SLC39A12: variants seen among roughly 807,000 people sequenced by gnomAD.
SLC39A12 encodes the protein zinc transporter ZIP12.
Under a neutral mutation model 71.1 loss-of-function variants are expected in SLC39A12, and 63 were observed. The ratio of observed to expected loss-of-function variants is 0.89; its 90% CI spans 0.72 to 1.09. The LOEUF (loss-of-function observed/expected upper bound fraction) is 1.09, where lower values mean the gene tolerates loss of function less well. Among genes scored for constraint, SLC39A12 ranks in the 50% least tolerant of loss-of-function variants. SLC39A12 has a pLI of 0.00. For synonymous variants in SLC39A12, 351 were observed against 301.3 expected (o/e 1.16, Z -1.71); for missense variants, 892 against 812.6 (o/e 1.10, Z -1.19).
At chr10:18,006,555 C>T (rs150809573) in intron 12 of SLC39A12, among the ~76,000 whole-genome samples, 32 of 152,138 alleles carry the variant, frequency 2.1e-4, no homozygotes, top group African/African-American at 6.3e-4. Flanking sequence ...AGTGAAGGAC[C>T]GGCAAACTGA....
At chr10:17,997,229 T>A (rs1835714128) in intron 10 of SLC39A12, among the ~76,000 whole-genome samples, 1 of 152,168 alleles carries the variant, frequency 6.6e-6, no homozygotes, top group Non-Finnish European at 1.5e-5. Context: ...CAGTGCAGAA[T>A]AAAATAAGCA....
intron 9 of SLC39A12, among the ~76,000 whole-genome samples, chr10:17,994,138 GA>G (rs1391851933): frequency 1.3e-5 from 2 of 152,020 alleles, no homozygotes; most frequent in African/African-American, 2.4e-5. Context: ...AATGTGGTTT[GA>G]AAAAAGATAA....
chr10:18,004,911 C>T (rs996786156), intron 12 of SLC39A12, among the ~76,000 whole-genome samples: 4 of 152,144 alleles, frequency 2.6e-5, no homozygotes, highest in African/African-American at 7.2e-5. Context: ...GGAATGGGAT[C>T]GTGTCCTTTG....
At chr10:18,031,742 G>A (rs1267902774) in intron 12 of SLC39A12, among the ~76,000 whole-genome samples, 2 of 114,010 alleles carry the variant, frequency 1.8e-5, no homozygotes, top group Non-Finnish European at 3.6e-5. Flanking sequence ...GTCCTGAATG[G>A]TAATGCCTAG....
At position 17,987,770 on chromosome 10, in the gene SLC39A12, T is replaced by C. The variant is rs1414449786; in HGVS notation, c.1269+119T>C. 3.8e-6 allele frequency: 4 copies of C among 1,062,690 alleles called. No homozygotes were observed. In the East Asian group the frequency reaches 9.6e-5, roughly 25 times the overall value. 65.8% of individuals were successfully genotyped at this position (1,062,690 alleles called of 1,614,324 possible). A position where few individuals can be genotyped will look rare whatever the true frequency, so the allele number is the denominator to read the frequency against. ...CAAAGAGAGAGTATCGTGGCTGGTG[T>C]TTTCCTTAAAAAGAAATATTATTTC... is the stretch of plus-strand genomic sequence containing the variant. On this transcript the variant is annotated intron_variant, in intron 7 of 12. Coordinates refer to ENST00000377369, the MANE Select transcript of SLC39A12 (RefSeq NM_001145195.2).
intron 2 of SLC39A12, among the ~76,000 whole-genome samples, chr10:17,958,663 T>G (rs888152548): frequency 6.6e-6 from 1 of 152,220 alleles, no homozygotes; most frequent in Admixed American, 6.5e-5. Flanking sequence ...TGGGCAAGTT[T>G]CTTATCCGCT....
intron 6 of SLC39A12, among the ~76,000 whole-genome samples, chr10:17,984,004 A>C (rs1369338129): frequency 6.6e-6 from 1 of 152,196 alleles, no homozygotes; most frequent in Non-Finnish European, 1.5e-5. Context: ...TTAAGTTTCC[A>C]GGAAAGAGTA....
intron 12 of SLC39A12, among the ~76,000 whole-genome samples, chr10:18,021,045 A>C (rs750748713): frequency 1.3e-5 from 2 of 152,076 alleles, no homozygotes; most frequent in Non-Finnish European, 2.9e-5. Flanking sequence ...ATCTTTGCCA[A>C]GACTGATATC....
At chr10:17,970,123 C>T (rs1834931300) in intron 4 of SLC39A12, among the ~76,000 whole-genome samples, 1 of 151,996 alleles carries the variant, frequency 6.6e-6, no homozygotes, top group Non-Finnish European at 1.5e-5. Context: ...TTGCTGGGTT[C>T]TTTATTGTGT....
chr10:17,986,707 C>T (rs137930408), intron 6 of SLC39A12, among the ~76,000 whole-genome samples: 241 of 152,204 alleles, frequency 1.6e-3, no homozygotes, highest in African/African-American at 5.3e-3. Flanking sequence ...AACTTTTTGC[C>T]GCATATAACA....
Position 17,953,516 on chromosome 10 carries a change from A to C in SLC39A12, c.240A>C (p.Gly80=). 1.2e-6 allele frequency: 2 copies of C among 1,614,200 alleles called. No homozygotes were observed. Among genetic ancestry groups the C allele is most frequent in the Admixed American group, 1.7e-5 (1 of 60,024 alleles). The change falls in exon 2 of 13, where the codon GGA becomes GGC. Residue 80 remains glycine, a synonymous_variant. Transcript: ENST00000377369. ...EKTGCPRRRN[G]MQGDCNLCFE... is the part of the protein sequence containing the mutation. Reference sequence around the variant, plus strand: ...CTGGGTGCCCACGGAGGAGAAACGGAATGCAAGGAGATTGCAATCTGGTTA... The same window carrying C: ...CTGGGTGCCCACGGAGGAGAAACGGCATGCAAGGAGATTGCAATCTGGTTA...
intron 12 of SLC39A12, among the ~76,000 whole-genome samples, chr10:18,034,332 C>T (rs1479850605): frequency 1.3e-5 from 2 of 151,706 alleles, no homozygotes; most frequent in Non-Finnish European, 2.9e-5. Context: ...AATCTGGGTG[C>T]TCCTGTATTG....
intron 12 of SLC39A12, among the ~76,000 whole-genome samples, chr10:18,040,636 G>T (rs2130910949): frequency 6.6e-6 from 1 of 152,144 alleles, no homozygotes. Context: ...AAGCATGGTG[G>T]TGGATGCCTA....
At chr10:17,961,883 A>T in intron 3 of SLC39A12, 21 bp downstream of exon 3, 1 of 1,602,900 alleles carries the variant, frequency 6.2e-7, no homozygotes, top group Non-Finnish European at 8.5e-7. Context: ...AAAATTGCTA[A>T]CTGGCTCTGC....
At chr10:18,010,914 A>T (rs1053823544) in intron 12 of SLC39A12, among the ~76,000 whole-genome samples, 4 of 152,172 alleles carry the variant, frequency 2.6e-5, no homozygotes, top group Non-Finnish European at 2.9e-5. Context: ...TGTGAAGATG[A>T]GGATGAAGAC....
chr10:18,032,293 C>T (rs1423477967), intron 12 of SLC39A12, among the ~76,000 whole-genome samples: 3 of 92,048 alleles, frequency 3.3e-5, no homozygotes, highest in South Asian at 7.3e-4. Flanking sequence ...ATGGAATGTT[C>T]TTCCATTTGT....
chr10:18,041,564 A>G (rs1287288875), intron 12 of SLC39A12, among the ~76,000 whole-genome samples: 1 of 127,428 alleles, frequency 7.8e-6, no homozygotes, highest in Non-Finnish European at 1.6e-5. Context: ...ACACGCACAC[A>G]TACACACACA....
At chr10:18,024,476 G>A (rs1291433399) in intron 12 of SLC39A12, among the ~76,000 whole-genome samples, 1 of 151,964 alleles carries the variant, frequency 6.6e-6, no homozygotes, top group Non-Finnish European at 1.5e-5. Context: ...CCCTGCCTTG[G>A]GTCCACTTCC....
At chr10:17,969,078 A>G (rs142646022) in intron 4 of SLC39A12, among the ~76,000 whole-genome samples, 1 of 152,272 alleles carries the variant, frequency 6.6e-6, no homozygotes, top group East Asian at 1.9e-4. Context: ...CACTTAACAT[A>G]GTGTTTTCCA....
Sources: gnomAD v4.1 joint callset for allele counts (sites outside exome capture counted in the v4.1 genomes callset) on GRCh38, gnomAD v4.1.1 for gene constraint, MANE v1.5 for transcripts, NCBI Gene and HGNC (gene_info 2026-07-23, HGNC 2026-07-21) for gene names.